HMGN5: variants seen among roughly 807,000 people sequenced by gnomAD.
HMGN5 encodes high mobility group nucleosome-binding domain-containing protein 5.
Under a neutral mutation model 9.5 loss-of-function variants are expected in HMGN5, and 4 were observed. That is an observed-to-expected ratio of 0.42 (90% CI 0.21 to 0.96). The LOEUF (loss-of-function observed/expected upper bound fraction) is 0.96, where lower values mean the gene tolerates loss of function less well. HMGN5 is among the 40% of genes least tolerant of loss of function. HMGN5 has a pLI of 0.30. For missense variants in HMGN5, 192 were observed against 187.5 expected, an observed-to-expected ratio of 1.02 and a Z score of -0.14; for synonymous variants, 55 against 57.1, an observed-to-expected ratio of 0.96 and a Z score of 0.16.
chrX:81,115,724 G>T (rs1421036136), intron 6 of HMGN5, among the ~76,000 whole-genome samples: 1 of 111,960 alleles, frequency 8.9e-6, no homozygotes, highest in African/African-American at 3.2e-5. Context: ...CATATGTTTG[G>T]TTTATAGATT....
At chrX:81,169,207 C>T (rs530808767) in intron 1 of HMGN5, among the ~76,000 whole-genome samples, 2 of 111,637 alleles carry the variant, frequency 1.8e-5, no homozygotes, top group African/African-American at 6.5e-5. Flanking sequence ...TTTGTTCTAT[C>T]ACTCTGGTTA....
At chrX:81,130,670 G>A (rs1168340158) in intron 1 of HMGN5, among the ~76,000 whole-genome samples, 3 of 110,103 alleles carry the variant, frequency 2.7e-5, no homozygotes, top group East Asian at 2.8e-4. Flanking sequence ...CCCTGCCATC[G>A]TGCCTCCAAC....
chrX:81,144,021 C>T (rs1281219314), intron 1 of HMGN5, among the ~76,000 whole-genome samples: 1 of 111,650 alleles, frequency 9.0e-6, no homozygotes, highest in African/African-American at 3.3e-5. Context: ...AGATAAAACC[C>T]CCTTCTCCTT....
intron 1 of HMGN5, chrX:81,197,819 G>A (rs866761215): frequency 9.9e-6 from 1 of 100,671 alleles, no homozygotes; most frequent in Non-Finnish European, 2.0e-5. Context: ...TTTGCAAAAT[G>A]AAAAAAAAAA....
chrX:81,195,839 A>C (rs923614154), intron 1 of HMGN5, among the ~76,000 whole-genome samples: 1 of 111,970 alleles, frequency 8.9e-6, no homozygotes, highest in Non-Finnish European at 1.9e-5. Flanking sequence ...AGCTAATAAA[A>C]ATTACATCTC....
At chrX:81,197,915 C>G (rs2075513973) in intron 1 of HMGN5, 1 of 111,112 alleles carries the variant, frequency 9.0e-6, no homozygotes, top group South Asian at 3.8e-4. Flanking sequence ...GTGACTAGAT[C>G]ATGCTGACTT....
intron 1 of HMGN5, among the ~76,000 whole-genome samples, chrX:81,175,048 A>C (rs2075437643): frequency 8.9e-6 from 1 of 112,112 alleles, no homozygotes; most frequent in South Asian, 3.6e-4. Flanking sequence ...AATAAAAGAG[A>C]GTTCAGAAGA....
chrX:81,121,026 T>C (rs192879158), intron 2 of HMGN5, among the ~76,000 whole-genome samples: 5 of 105,892 alleles, frequency 4.7e-5, no homozygotes, highest in African/African-American at 1.4e-4. Context: ...TACCATTGCA[T>C]AGCCATCTGG....
intron 1 of HMGN5, among the ~76,000 whole-genome samples, chrX:81,196,072 T>C (rs1450928225): frequency 1.8e-5 from 2 of 111,300 alleles, no homozygotes; most frequent in African/African-American, 6.5e-5. Context: ...TAACACTCTG[T>C]TACTTAACCT....
intron 3 of HMGN5, among the ~76,000 whole-genome samples, chrX:81,119,378 A>G (rs1053755294): frequency 9.8e-5 from 11 of 111,769 alleles, no homozygotes; most frequent in Admixed American, 1.9e-4. Flanking sequence ...TGCAATAACA[A>G]AAACTATATA....
intron 1 of HMGN5, among the ~76,000 whole-genome samples, chrX:81,138,979 A>G (rs1227192981): frequency 1.8e-5 from 2 of 112,210 alleles, no homozygotes; most frequent in East Asian, 5.6e-4. Flanking sequence ...ACATAAAAAA[A>G]GAAATGGAGA....
At chrX:81,129,350 C>T (rs1602559149) in intron 1 of HMGN5, among the ~76,000 whole-genome samples, 1 of 110,491 alleles carries the variant, frequency 9.1e-6, no homozygotes, top group African/African-American at 3.3e-5. Flanking sequence ...ATTGAAATGG[C>T]TTTTTTTGAT....
chrX:81,148,308 G>C (rs891584309), intron 1 of HMGN5, among the ~76,000 whole-genome samples: 15 of 111,696 alleles, frequency 1.3e-4, no homozygotes, highest in African/African-American at 4.9e-4. Context: ...ACAGAACAGA[G>C]TCCTCAGAAA....
intron 1 of HMGN5, among the ~76,000 whole-genome samples, chrX:81,164,636 C>A (rs1459742453): frequency 9.0e-6 from 1 of 111,365 alleles, no homozygotes; most frequent in Admixed American, 9.6e-5. Context: ...TTCAAGGCAA[C>A]TGGCAAATTT....
chrX:81,188,364 A>G (rs1011829458), intron 1 of HMGN5, among the ~76,000 whole-genome samples: 1 of 108,594 alleles, frequency 9.2e-6, no homozygotes, highest in Non-Finnish European at 1.9e-5. Context: ...CCTAAGCTCA[A>G]AAGATCCACC....
chrX:81,153,010 G>T (rs776484434), intron 1 of HMGN5, among the ~76,000 whole-genome samples: 1 of 65,906 alleles, frequency 1.5e-5, no homozygotes, highest in East Asian at 6.4e-4. Flanking sequence ...TGGGGGGAGG[G>T]GGGAGGGATA....
chrX:81,198,198 A>G (rs996447852), intron 1 of HMGN5, among the ~76,000 whole-genome samples: 1 of 111,946 alleles, frequency 8.9e-6, no homozygotes, highest in Non-Finnish European at 1.9e-5. Context: ...GTTTAGCAAC[A>G]TAATTTAGGT....
At chrX:81,168,189 C>T (rs1216438971) in intron 1 of HMGN5, among the ~76,000 whole-genome samples, 1 of 111,763 alleles carries the variant, frequency 8.9e-6, no homozygotes, top group African/African-American at 3.3e-5. Flanking sequence ...TCCAGGTGAC[C>T]TCTATATATG....
chrX:81,175,896 TC>T (rs1652284793), intron 1 of HMGN5, among the ~76,000 whole-genome samples: 1 of 111,862 alleles, frequency 8.9e-6, no homozygotes, highest in Admixed American at 9.5e-5. Context: ...TTTCTGCATT[TC>T]CAACTGAGCT....
Sources: allele counts gnomAD v4.1 joint callset (sites outside exome capture counted in the v4.1 genomes callset), GRCh38; gene constraint gnomAD v4.1.1; transcripts MANE v1.5; gene names NCBI Gene and HGNC (gene_info 2026-07-23, HGNC 2026-07-21).